THOP1: variants seen among roughly 807,000 people sequenced by gnomAD.
THOP1 encodes thimet oligopeptidase 1.
THOP1 carries 49 observed loss-of-function variants against 71.8 expected under a neutral mutation model. The observed-to-expected ratio is 0.68, with a 90% confidence interval of 0.54 to 0.87. The LOEUF (loss-of-function observed/expected upper bound fraction) is 0.87. Ranked by LOEUF, THOP1 falls within the 40% of genes least tolerant of loss-of-function variation. The pLI is 0.00. For synonymous variants in THOP1, 426 were observed against 421.5 expected (o/e 1.01, Z -0.13); for missense variants, 843 against 975.6 (o/e 0.86, Z 1.81).
At chr19:2,811,965 C>T (rs1474127720) in intron 12 of THOP1, 14 of 1,137,268 alleles carry the variant, frequency 1.2e-5, no homozygotes, top group South Asian at 1.7e-5. Context: ...TGAGCCATCC[C>T]GGCCGAGGCA....
At chr19:2,809,449 T>C (rs141652693) in intron 9 of THOP1, 39 of 152,370 alleles carry the variant, frequency 2.6e-4, no homozygotes, top group African/African-American at 8.9e-4. Context: ...GCTCATAAAA[T>C]GAGCCGAAGT....
intron 5 of THOP1, among the ~76,000 whole-genome samples, chr19:2,800,082 G>A (rs146647254): frequency 1.3e-5 from 2 of 152,244 alleles, no homozygotes; most frequent in East Asian, 1.9e-4. Context: ...AGCCCAGGCC[G>A]GACGGGGTGG....
At chr19:2,798,087 G>A (rs1269988096) in intron 4 of THOP1, among the ~76,000 whole-genome samples, 1 of 152,080 alleles carries the variant, frequency 6.6e-6, no homozygotes, top group African/African-American at 2.4e-5. Flanking sequence ...GGAGTGCAAC[G>A]GTGTGATCTC....
rs915119771 is a variant in THOP1 at position 2,813,501 on chromosome 19, G to T, written c.*225G>T. The T allele has an allele frequency of 1.8e-6, 1 of 543,806 alleles. No individual in the cohort carries two copies. Among genetic ancestry groups the T allele is most frequent in the African/African-American group, 1.9e-5 (1 of 53,078 alleles). The allele number at this position is 543,806 out of a possible 1,614,324, so 33.7% of individuals were successfully genotyped here. On this transcript the variant is annotated 3_prime_UTR_variant, in exon 13 of 13. Coordinates refer to ENST00000307741, the MANE Select transcript of THOP1 (RefSeq NM_003249.5). ...AGGGCTTTCGTGGCTGCCAGGGCCT[G>T]GTCTTTGTTGCACTAACACGTCTCC...
Position 2,799,699 on chromosome 19 carries a change from G to A in THOP1, c.497G>A (p.Arg166His), listed in dbSNP as rs774496684. ...LPRETQENIK[R>H]IKKKLSLLCI... ...CGCCTTTCTCTCCAGAACATCAAACGCATCAAGAAGAAGCTGAGCCTTCTG... is the reference window on the plus strand; with the variant it reads ...CGCCTTTCTCTCCAGAACATCAAACACATCAAGAAGAAGCTGAGCCTTCTG... The change falls in exon 5 of 13, where the codon CGC becomes CAC. Residue 166 changes from arginine (R) to histidine (H), a missense_variant. Physicochemically the swap from Arg to His is conservative, Grantham distance 29. Transcript: ENST00000307741. The A allele has an allele frequency of 3.4e-5, 55 of 1,610,560 alleles. No homozygotes were observed. Among genetic ancestry groups the A allele is most frequent in the East Asian group, 4.5e-5 (2 of 44,724 alleles).
At position 2,795,936 on chromosome 19, in the gene THOP1, G is replaced by A. The variant is rs564232789; in HGVS notation, c.379-145G>A. On this transcript the variant is annotated intron_variant, in intron 3 of 12. Coordinates refer to ENST00000307741, the MANE Select transcript of THOP1 (RefSeq NM_003249.5). ...CACAGGTTTTATGTAGAGACAGGTC[G>A]TCATTTCTCTGAGATAAATGCCCAG... The A allele has an allele frequency of 4.7e-4, 286 of 609,686 alleles. 4 individuals carry two copies. The highest frequency in any genetic ancestry group is 4.6e-3 in the South Asian group (245 of 52,852). 37.8% of individuals were successfully genotyped at this position (609,686 alleles called of 1,614,324 possible).
chr19:2,807,597 C>T lies in THOP1; in HGVS notation c.1042C>T (p.Arg348Cys), dbSNP rs755256017. 126 of 1,612,526 alleles carry T rather than the reference C, an allele frequency of 7.8e-5. No individual in the cohort carries two copies. Among genetic ancestry groups the T allele is most frequent in the Middle Eastern group, 3.3e-4 (2 of 6,076 alleles). Residue 348 changes from arginine (R) to cysteine (C), a missense_variant, in exon 8 of 13, where the codon CGC becomes TGC. Coordinates refer to ENST00000307741, the MANE Select transcript of THOP1 (RefSeq NM_003249.5). ...CTACATGAACCAGGTGGAGGAGACG[C>T]GCTACTGCGTGGACCAGAACCTGCT... ...RYYMNQVEET[R>C]YCVDQNLLKE...
rs747664606 is a variant in THOP1, at chr19:2,796,065, G to T, written c.379-16G>T. ...CACTGGCCCACGTCCTACATGCTTTGATGTTTTTATTCCAGGAGAAAGTTC... is the reference window on the plus strand; with the variant it reads ...CACTGGCCCACGTCCTACATGCTTTTATGTTTTTATTCCAGGAGAAAGTTC... On this transcript the variant is annotated splice_polypyrimidine_tract_variant and intron_variant, in intron 3 of 12. Coordinates refer to ENST00000307741, the MANE Select transcript of THOP1 (RefSeq NM_003249.5). 6.2e-7 allele frequency: 1 copy of T among 1,607,476 alleles called. No homozygotes were observed. Among genetic ancestry groups the T allele is most frequent in the South Asian group, 1.1e-5 (1 of 90,924 alleles).
chr19:2,789,273 C>T (rs75965473), intron 1 of THOP1, among the ~76,000 whole-genome samples: 4,007 of 152,266 alleles, frequency 0.026, 163 homozygotes, highest in African/African-American at 0.089. Context: ...GTTTGCTGGC[C>T]CCCTGGGCCC....
rs1049169389 is a variant in THOP1 at position 2,811,606 on chromosome 19, A to G, written c.1780A>G (p.Met594Val). 2.5e-5 allele frequency: 41 copies of G among 1,612,840 alleles called. No homozygotes were observed. Among genetic ancestry groups the G allele is most frequent in the Non-Finnish European group, 3.4e-5 (40 of 1,179,748 alleles). ...LGVPATPGTN[M>V]PATFGHLAGG... Reference sequence around the variant, plus strand: ...CCATGTGTCCGCCCCAGGAACCAACATGCCTGCAACCTTCGGCCATCTGGC... The same window carrying G: ...CCATGTGTCCGCCCCAGGAACCAACGTGCCTGCAACCTTCGGCCATCTGGC... The change falls in exon 12 of 13, where the codon ATG (methionine) becomes GTG (valine). Residue 594 changes from methionine (M) to valine (V), a missense_variant. Transcript: ENST00000307741.
chr19:2,797,456 T>C (rs954035523), intron 4 of THOP1, among the ~76,000 whole-genome samples: 1 of 152,212 alleles, frequency 6.6e-6, no homozygotes, highest in Admixed American at 6.5e-5. Context: ...GGCCGGCCAC[T>C]TGGGCACTTG....
intron 1 of THOP1, among the ~76,000 whole-genome samples, chr19:2,786,626 G>C (rs1045582308): frequency 6.6e-6 from 1 of 152,088 alleles, no homozygotes. Flanking sequence ...GAGACAGTCT[G>C]TGTCTCCCAG....
At chr19:2,794,008 T>G (rs545791914) in intron 2 of THOP1, among the ~76,000 whole-genome samples, 176 of 140,358 alleles carry the variant, frequency 1.3e-3, no homozygotes, top group African/African-American at 4.1e-3. Context: ...TAAAGCTTTT[T>G]TTTTTTTCTT....
intron 5 of THOP1, among the ~76,000 whole-genome samples, chr19:2,800,578 C>G (rs2144769146): frequency 6.6e-6 from 1 of 152,374 alleles, no homozygotes; most frequent in South Asian, 2.1e-4. Context: ...ACAAGGCCCT[C>G]ATGGCCGGAG....
chr19:2,794,148 G>A (rs1915953550), intron 2 of THOP1, among the ~76,000 whole-genome samples: 1 of 151,918 alleles, frequency 6.6e-6, no homozygotes. Context: ...CCAAGTAGTT[G>A]GAATTACAGG....
Position 2,813,266 on chromosome 19 carries a change from A to T in THOP1, c.2060A>T (p.Gln687Leu). The change falls in exon 13 of 13, where the codon CAG (glutamine) becomes CTG (leucine). Residue 687 changes from glutamine (Q) to leucine (L), a missense_variant. Transcript: ENST00000307741. The stretch of plus-strand genomic sequence containing the variant: ...GTCGGGGGCTGCGAGCCCGAGCCGC[A>T]GGTCTGCTGAGGCCTGGCACTGCGA... The part of the protein sequence containing the change: ...LQVGGCEPEP[Q>L]VC 6.2e-7 allele frequency: 1 copy of T among 1,609,288 alleles called. No individual in the cohort carries two copies. The highest frequency in any genetic ancestry group is 8.5e-7 in the Non-Finnish European group (1 of 1,178,868).
At chr19:2,802,454 C>T in intron 5 of THOP1, among the ~76,000 whole-genome samples, 1 of 145,520 alleles carries the variant, frequency 6.9e-6, no homozygotes, top group South Asian at 2.3e-4. Context: ...CACCTCCCGA[C>T]ACCCCCACCT....
At position 2,813,299 on chromosome 19, in the gene THOP1, G is replaced by A. The variant is rs773059392; in HGVS notation, c.*23G>A. On this transcript the variant is annotated 3_prime_UTR_variant, in exon 13 of 13. Coordinates refer to ENST00000307741, the MANE Select transcript of THOP1 (RefSeq NM_003249.5). Reference sequence around the variant, plus strand: ...TGAGGCCTGGCACTGCGACTGCCCAGTCTGGCCTGCGCTCCCGCCGCCCTG... The same window carrying A: ...TGAGGCCTGGCACTGCGACTGCCCAATCTGGCCTGCGCTCCCGCCGCCCTG... The A allele has an allele frequency of 6.3e-7, 1 of 1,592,762 alleles. No homozygotes were observed. Among genetic ancestry groups the A allele is most frequent in the Non-Finnish European group, 8.5e-7 (1 of 1,170,546 alleles).
Position 2,801,585 on chromosome 19 carries a change from G to A in THOP1, c.589+1794G>A, listed in dbSNP as rs938548169. 3.3e-5 allele frequency among the ~76,000 whole-genome samples: 5 copies of A among 152,306 alleles called. No homozygotes were observed. Among genetic ancestry groups the A allele is most frequent in the East Asian group, 3.9e-4 (2 of 5,188 alleles). On this transcript the variant is annotated intron_variant, in intron 5 of 12. Coordinates refer to ENST00000307741, the MANE Select transcript of THOP1 (RefSeq NM_003249.5). The surrounding 1 kb of genome is among the most constrained non-coding windows in gnomAD (Gnocchi z 5.1). ...CGTCATTTCTCAGGAGACGCCTTGC[G>A]ATGGTCTTAGTTCCTTTTCTTCTGC...
Sources: allele counts gnomAD v4.1 joint callset (sites outside exome capture counted in the v4.1 genomes callset), GRCh38; gene constraint gnomAD v4.1.1; non-coding constraint Gnocchi (gnomAD v3.1); transcripts MANE v1.5; gene names NCBI Gene and HGNC (gene_info 2026-07-23, HGNC 2026-07-21).